Variants in KDM7A observed in about 807,000 individuals in gnomAD.
KDM7A encodes lysine demethylase 7A, also known as lysine-specific demethylase 7A.
Under a neutral mutation model 114.8 loss-of-function variants are expected in KDM7A, and 28 were observed. That is an observed-to-expected ratio of 0.24 (90% CI 0.18 to 0.33). KDM7A has a LOEUF of 0.33. Among genes scored for constraint, KDM7A ranks in the 10% least tolerant of loss-of-function variants. The pLI is 1.00. For missense variants in KDM7A, 942 were observed against 1,142.5 expected (o/e 0.82, Z 2.53); for synonymous variants, 423 against 397.8 (o/e 1.06, Z -0.75).
At chr7:140,120,809 GTT>G in intron 7 of KDM7A, among the ~76,000 whole-genome samples, 1 of 152,228 alleles carries the variant, frequency 6.6e-6, no homozygotes, top group South Asian at 2.1e-4. Context: ...GTCTCACTTT[GTT>G]GCCCAGGCTG....
At chr7:140,106,186 A>C (rs1488051861) in intron 11 of KDM7A, among the ~76,000 whole-genome samples, 1 of 150,520 alleles carries the variant, frequency 6.6e-6, no homozygotes, top group Non-Finnish European at 1.5e-5. Context: ...CTCTTTTCTT[A>C]TTAGTCTTGC....
In KDM7A at chr7:140,168,449, T is replaced by C. The variant is rs572901758; in HGVS notation, c.194+8295A>G. ...CGGGCACAGTGGCACATGCCTATAA[T>C]CCCAGCTACTCAGGAGGCTGAGATG... On this transcript the variant is annotated intron_variant, in intron 1 of 19. Transcript: ENST00000397560. Among the ~76,000 whole-genome samples the C allele has an allele frequency of 3.0e-4, 46 of 151,646 alleles. 1 individual carries two copies. The highest frequency in any genetic ancestry group is 6.8e-3 in the Middle Eastern group (2 of 294).
At chr7:140,136,849 T>C (rs1176073774) in intron 2 of KDM7A, among the ~76,000 whole-genome samples, 1 of 152,066 alleles carries the variant, frequency 6.6e-6, no homozygotes, top group Admixed American at 6.5e-5. Flanking sequence ...TAGCCAGGTG[T>C]GGTGGCACAC....
At position 140,114,842 on chromosome 7, in the gene KDM7A, C is replaced by T. The variant is rs561736062; in HGVS notation, c.1247-1260G>A. Reference sequence around the variant, plus strand: ...GCGACCCCGTCTGGGAGGTGAGGAGCCCCTCCGCCCGGCAGCCGCCCCGTC... The same window carrying T: ...GCGACCCCGTCTGGGAGGTGAGGAGTCCCTCCGCCCGGCAGCCGCCCCGTC... On this transcript the variant is annotated intron_variant, in intron 9 of 19. Coordinates refer to ENST00000397560, the MANE Select transcript of KDM7A (RefSeq NM_030647.2). Among the ~76,000 whole-genome samples, 34 of 148,894 alleles carry T rather than the reference C, an allele frequency of 2.3e-4. No individual in the cohort carries two copies. In the South Asian group the frequency reaches 7.2e-3, roughly 32 times the overall value.
intron 9 of KDM7A, among the ~76,000 whole-genome samples, chr7:140,114,939 C>T (rs1443685126): frequency 2.0e-5 from 3 of 150,248 alleles, no homozygotes; most frequent in East Asian, 2.0e-4. Context: ...GCCCGGAAGC[C>T]GCCCCTTCTG....
At chr7:140,097,665 G>T in intron 14 of KDM7A, 23 bp from the exon 15 acceptor site, 2 of 1,344,804 alleles carry the variant, frequency 1.5e-6, no homozygotes, top group South Asian at 2.4e-5. Context: ...GAAAGGATGA[G>T]AAAAAGAGAA....
At chr7:140,171,255 TC>T (rs1794635305) in intron 1 of KDM7A, among the ~76,000 whole-genome samples, 1 of 149,514 alleles carries the variant, frequency 6.7e-6, no homozygotes, top group South Asian at 2.1e-4. Context: ...GGTCAGGAGA[TC>T]GAGACCATCC....
chr7:140,168,875 CA>C (rs1306022404), intron 1 of KDM7A, among the ~76,000 whole-genome samples: 1 of 151,792 alleles, frequency 6.6e-6, no homozygotes, highest in Admixed American at 6.6e-5. Context: ...CACTGTTGTA[CA>C]AAAAAAGTTA....
intron 6 of KDM7A, among the ~76,000 whole-genome samples, chr7:140,126,239 G>A (rs984540849): frequency 5.9e-5 from 9 of 152,038 alleles, no homozygotes; most frequent in Non-Finnish European, 8.8e-5. Flanking sequence ...AGGCATTCCT[G>A]ACTTATCCAA....
At chr7:140,171,633 A>G (rs1794643243) in intron 1 of KDM7A, among the ~76,000 whole-genome samples, 1 of 145,856 alleles carries the variant, frequency 6.9e-6, no homozygotes, top group African/African-American at 2.5e-5. Context: ...TTATAAATAT[A>G]TATTTATTTT....
intron 2 of KDM7A, among the ~76,000 whole-genome samples, chr7:140,135,494 C>A (rs529596812): frequency 6.6e-6 from 1 of 152,154 alleles, no homozygotes; most frequent in African/African-American, 2.4e-5. Context: ...AGCCACTGCG[C>A]CCAGCCCATA....
intron 9 of KDM7A, among the ~76,000 whole-genome samples, chr7:140,116,615 C>A (rs1818533587): frequency 6.6e-6 from 1 of 152,030 alleles, no homozygotes; most frequent in African/African-American, 2.4e-5. Flanking sequence ...TGAGTAAGAA[C>A]AGCCTTATTC....
At chr7:140,100,163 A>G in intron 12 of KDM7A, 140 bp from the exon 13 acceptor site, 5 of 770,620 alleles carry the variant, frequency 6.5e-6, no homozygotes, top group East Asian at 2.5e-5. Flanking sequence ...GGGGATATGC[A>G]GCAGTATGGC....
chr7:140,092,710 T>C (rs1443781670), intron 18 of KDM7A, among the ~76,000 whole-genome samples: 1 of 152,210 alleles, frequency 6.6e-6, no homozygotes, highest in Non-Finnish European at 1.5e-5. Context: ...GAGTACACTA[T>C]AGTGTGAATG....
Position 140,088,129 on chromosome 7 carries a change from T to A in KDM7A, c.*2965A>T, listed in dbSNP as rs760829166. 2.8e-5 allele frequency: 5 copies of A among 176,652 alleles called. No homozygotes were observed. Among genetic ancestry groups the A allele is most frequent in the Non-Finnish European group, 5.9e-5 (5 of 84,806 alleles). 10.9% of individuals were successfully genotyped at this position (176,652 alleles called of 1,614,324 possible). A position where few individuals can be genotyped will look rare whatever the true frequency, so the allele number is the denominator to read the frequency against. On this transcript the variant is annotated 3_prime_UTR_variant, in exon 20 of 20. Transcript: ENST00000397560. ...TAAGTAATTAGTGATAAAGATGGGC[T>A]TGTTTCCTCTGAGTTTATGATTTCA...
At position 140,111,099 on chromosome 7, in the gene KDM7A, A is replaced by G; in HGVS notation, c.1424T>C (p.Ile475Thr). ...IKELSKVIRA[I>T]EEENGKPVKS... ...CATGACAGTTTCCACTCTTACCTCT[A>G]TTGCTCGAATTACTTTAGAAAGTTC... Residue 475 changes from isoleucine (I) to threonine (T), a missense_variant, in exon 11 of 20, where the codon ATA (isoleucine) becomes ACA (threonine). Ile to Thr is a moderately conservative substitution (Grantham distance 89). Around this residue, in one of 4 missense-constraint regions of KDM7A, gnomAD observed 512 missense variants for 576.6 expected, o/e 0.89. Transcript: ENST00000397560. 1 of 1,561,454 alleles carries G rather than the reference A, an allele frequency of 6.4e-7. No individual in the cohort carries two copies.
chr7:140,114,220 G>A (rs931968590), intron 9 of KDM7A, among the ~76,000 whole-genome samples: 7 of 152,164 alleles, frequency 4.6e-5, no homozygotes, highest in South Asian at 4.1e-4. Context: ...GATGCCAAGC[G>A]GAAGCTGGAC....
chr7:140,174,793 G>C (rs1794683642), intron 1 of KDM7A, among the ~76,000 whole-genome samples: 1 of 152,018 alleles, frequency 6.6e-6, no homozygotes, highest in South Asian at 2.1e-4. Flanking sequence ...TAGAGACGGG[G>C]TTTCACCATG....
chr7:140,129,770 C>G, intron 3 of KDM7A, 117 bp from the exon 4 acceptor site: 1 of 630,426 alleles, frequency 1.6e-6, no homozygotes, highest in Non-Finnish European at 2.8e-6. Context: ...GGTTCTTAAC[C>G]TATCACTTCT....
Sources: allele counts gnomAD v4.1 joint callset (sites outside exome capture counted in the v4.1 genomes callset), GRCh38; gene constraint gnomAD v4.1.1; regional missense constraint gnomAD v4.1.1; transcripts MANE v1.5; gene names NCBI Gene and HGNC (gene_info 2026-07-23, HGNC 2026-07-21).